The following HEATR4 variants were observed in gnomAD, a reference collection of about 807,000 sequenced individuals.
HEATR4 encodes the protein HEAT repeat-containing protein 4.
In HEATR4, 95 loss-of-function variants were observed where a neutral mutation model predicts 108.8. The observed-to-expected ratio is 0.87, with a 90% CI of 0.74 to 1.04. HEATR4 has a LOEUF of 1.04. Among genes scored for constraint, HEATR4 ranks in the 50% least tolerant of loss-of-function variants. HEATR4 has a pLI of 0.00. For synonymous variants in HEATR4, 443 were observed against 459.4 expected (o/e 0.96, Z 0.46); for missense variants, 1,152 against 1,253.8 (o/e 0.92, Z 1.23).
At chr14:73,491,492 C>G in intron 17 of HEATR4, 2 of 1,505,626 alleles carry the variant, frequency 1.3e-6, no homozygotes, top group Non-Finnish European at 1.8e-6. Context: ...AGCGGCCGTC[C>G]AGTCGTCCGG....
chr14:73,488,626 C>G (rs553583315), intron 17 of HEATR4, among the ~76,000 whole-genome samples: 4 of 152,150 alleles, frequency 2.6e-5, no homozygotes, highest in Admixed American at 1.3e-4. Flanking sequence ...TCCTCTACAG[C>G]CTGAGGAACT....
chr14:73,524,897 T>G (rs909677151), intron 2 of HEATR4, among the ~76,000 whole-genome samples: 16 of 152,210 alleles, frequency 1.1e-4, no homozygotes, highest in African/African-American at 3.9e-4. Context: ...TTGTTTCTCT[T>G]TACTCCTTAA....
chr14:73,520,824 C>A, intron 4 of HEATR4, 28 bp downstream of exon 4: 1 of 1,599,558 alleles, frequency 6.3e-7, no homozygotes, highest in South Asian at 1.1e-5. Flanking sequence ...CCCCGTGTGC[C>A]CCTACCACAG....
In HEATR4 at chr14:73,555,775, G is replaced by A. The variant is rs1188560680; in HGVS notation, c.-152+2976C>T. 1.2e-4 allele frequency among the ~76,000 whole-genome samples: 14 copies of A among 114,710 alleles called. 1 individual carries two copies. Among genetic ancestry groups the A allele is most frequent in the African/African-American group, 3.7e-4 (13 of 35,480 alleles). 75.3% of individuals were successfully genotyped at this position (114,710 alleles called of 152,430 possible). The stretch of plus-strand genomic sequence containing the variant: ...CCAGCACTTTGGGAGGCTGAGGCGG[G>A]TGGATCACCCAAGGTCAGGAGTTCG... On this transcript the variant is annotated intron_variant, in intron 1 of 17. Transcript: ENST00000553558.
chr14:73,525,065 C>A (rs1888245772), intron 2 of HEATR4, among the ~76,000 whole-genome samples: 1 of 151,908 alleles, frequency 6.6e-6, no homozygotes, highest in Admixed American at 6.6e-5. Context: ...CTTGTTCTGT[C>A]GCCCAGGCTG....
chr14:73,608,615 C>G, the HEATR4 span, among the ~76,000 whole-genome samples: 1 of 152,224 alleles, frequency 6.6e-6, no homozygotes, highest in African/African-American at 2.4e-5. Context: ...GCTTTCCTGT[C>G]TTCTTCTGAG....
chr14:73,495,899 G>A (rs1256020447), intron 15 of HEATR4, among the ~76,000 whole-genome samples: 2 of 152,118 alleles, frequency 1.3e-5, no homozygotes, highest in South Asian at 2.1e-4. Flanking sequence ...AGGCTGAGGC[G>A]GGTGGATCAC....
rs762418034 is a variant in HEATR4 at position 73,492,790 on chromosome 14, A to G, written c.2844+276T>C. On this transcript the variant is annotated intron_variant, in intron 17 of 17. Transcript: ENST00000553558. This position sits in a 1 kb window ranked among gnomAD's most constrained non-coding sequence, Gnocchi z 4.9. Reference sequence around the variant, plus strand: ...AGTGCTTGGAAATATACCCCCAGCAAGCTGATGCCATGGAACTGTTGCTTG... The same window carrying G: ...AGTGCTTGGAAATATACCCCCAGCAGGCTGATGCCATGGAACTGTTGCTTG... The G allele has an allele frequency of 6.2e-7, 1 of 1,613,940 alleles. No homozygotes were observed. Among genetic ancestry groups the G allele is most frequent in the Non-Finnish European group, 8.5e-7 (1 of 1,179,890 alleles).
intron 2 of HEATR4, among the ~76,000 whole-genome samples, chr14:73,526,989 C>T (rs566011608): frequency 2.4e-4 from 36 of 152,252 alleles, no homozygotes; most frequent in African/African-American, 8.2e-4. Context: ...AGAGATGTTG[C>T]CTGGGTAACC....
chr14:73,547,655 T>C (rs1889254613), intron 1 of HEATR4, among the ~76,000 whole-genome samples: 1 of 114,862 alleles, frequency 8.7e-6, no homozygotes, highest in South Asian at 2.8e-4. Flanking sequence ...GAGGCCAAGG[T>C]GGGTGGATCA....
the HEATR4 span, among the ~76,000 whole-genome samples, chr14:73,579,641 A>T: frequency 6.7e-6 from 1 of 149,716 alleles, no homozygotes; most frequent in African/African-American, 2.5e-5. Context: ...GGTCTTAAAC[A>T]CCTGGGCTCA....
In HEATR4 at chr14:73,492,313, A is replaced by G; in HGVS notation, c.2844+753T>C. ...AGCGCAATACCTGGGGTGACTTCTTAGAGGCCATACTGCCTCTGGCAGTGC... is the reference window on the plus strand; with the variant it reads ...AGCGCAATACCTGGGGTGACTTCTTGGAGGCCATACTGCCTCTGGCAGTGC... On this transcript the variant is annotated intron_variant, in intron 17 of 17. Coordinates refer to ENST00000553558, the MANE Select transcript of HEATR4 (RefSeq NM_001220484.1). The surrounding 1 kb of genome is among the most constrained non-coding windows in gnomAD (Gnocchi z 4.9). 6.2e-7 allele frequency: 1 copy of G among 1,614,040 alleles called. No individual in the cohort carries two copies. The highest frequency in any genetic ancestry group is 8.5e-7 in the Non-Finnish European group (1 of 1,179,892).
At chr14:73,501,086 G>C (rs889387134) in intron 11 of HEATR4, among the ~76,000 whole-genome samples, 11 of 152,190 alleles carry the variant, frequency 7.2e-5, no homozygotes, top group Middle Eastern at 3.2e-3. Context: ...TGCCTATGCA[G>C]TCTTTTTGTT....
chr14:73,590,290 G>T, the HEATR4 span, among the ~76,000 whole-genome samples: 990 of 152,298 alleles, frequency 6.5e-3, 3 homozygotes, highest in Non-Finnish European at 0.011. Flanking sequence ...TAGATACAGA[G>T]TGCCGATTGG....
At chr14:73,549,401 G>A (rs1243744151) in intron 1 of HEATR4, among the ~76,000 whole-genome samples, 1 of 124,182 alleles carries the variant, frequency 8.1e-6, no homozygotes, top group Non-Finnish European at 1.8e-5. Flanking sequence ...AGGCTTCAAT[G>A]TATTAGTTAT....
the HEATR4 span, among the ~76,000 whole-genome samples, chr14:73,627,951 G>A: frequency 6.6e-6 from 1 of 152,212 alleles, no homozygotes; most frequent in East Asian, 1.9e-4. Flanking sequence ...TGGGATTACA[G>A]GTGGGTGCCA....
chr14:73,574,582 G>C, the HEATR4 span, among the ~76,000 whole-genome samples: 5 of 151,962 alleles, frequency 3.3e-5, no homozygotes, highest in Non-Finnish European at 7.4e-5. Context: ...TGTACTTGTT[G>C]ATGATGACTC....
chr14:73,541,333 A>C lies in HEATR4; in HGVS notation c.-151-11089T>G, dbSNP rs113041847. ...AAAGTCACTATAAACACTTGCCAGA[A>C]GTTTCTGGACGAACACAGGTTTTCA... On this transcript the variant is annotated intron_variant, in intron 1 of 17. Transcript: ENST00000553558. Among the ~76,000 whole-genome samples, 2 of 111,994 alleles carry C rather than the reference A, an allele frequency of 1.8e-5. 1 individual carries two copies. The highest frequency in any genetic ancestry group is 2.0e-4 in the Admixed American group (2 of 10,132). 73.5% of individuals were successfully genotyped at this position (111,994 alleles called of 152,430 possible). A position where few individuals can be genotyped will look rare whatever the true frequency, so the allele number is the denominator to read the frequency against.
At chr14:73,509,075 C>G (rs948299988) in intron 8 of HEATR4, among the ~76,000 whole-genome samples, 5 of 152,076 alleles carry the variant, frequency 3.3e-5, no homozygotes, top group Admixed American at 6.6e-5. Context: ...TTATGTTGCC[C>G]AGGCTGGTTT....
Sources: gnomAD v4.1 joint callset for allele counts (sites outside exome capture counted in the v4.1 genomes callset) on GRCh38, gnomAD v4.1.1 for gene constraint, Gnocchi (gnomAD v3.1) non-coding constraint, MANE v1.5 for transcripts, NCBI Gene and HGNC (gene_info 2026-07-23, HGNC 2026-07-21) for gene names.